Variants in IQSEC3 observed in about 807,000 individuals in gnomAD.
IQSEC3 encodes the protein IQ motif and Sec7 domain ArfGEF 3.
Under a neutral mutation model 105.4 loss-of-function variants are expected in IQSEC3, and 50 were observed. That is an observed-to-expected ratio of 0.47 (90% CI 0.38 to 0.60). IQSEC3 has a LOEUF of 0.60. Among genes scored for constraint, IQSEC3 ranks in the 20% least tolerant of loss-of-function variants. IQSEC3 has a pLI of 0.00. For synonymous variants in IQSEC3, 708 were observed against 746.0 expected, an observed-to-expected ratio of 0.95 and a Z score of 0.83; for missense variants, 1,415 against 1,630.0, an observed-to-expected ratio of 0.87 and a Z score of 2.27.
At chr12:109,716 G>C (rs1555079076) in intron 2 of IQSEC3, among the ~76,000 whole-genome samples, 1 of 151,900 alleles carries the variant, frequency 6.6e-6, no homozygotes, top group Non-Finnish European at 1.5e-5. Flanking sequence ...CCTTCCCCCA[G>C]CCCTGCCAAC....
chr12:125,944 G>A (rs782293296), intron 3 of IQSEC3, 32 bp downstream of exon 3: 4 of 1,520,880 alleles, frequency 2.6e-6, no homozygotes, highest in African/African-American at 2.9e-5. Flanking sequence ...GGCGGGGAGG[G>A]TGGTGAAGGG....
In IQSEC3 at chr12:76,131, CAA is replaced by C. The variant is rs1238312743; in HGVS notation, c.554+8696_554+8697del. 6.9e-5 allele frequency among the ~76,000 whole-genome samples: 10 copies of C among 144,146 alleles called. No individual in the cohort carries two copies. The East Asian group carries it at 1.2e-3, about 17-fold the overall frequency. The allele number at this position is 144,146 out of a possible 152,430, so 94.6% of individuals were successfully genotyped here. A position where few individuals can be genotyped will look rare whatever the true frequency, so the allele number is the denominator to read the frequency against. ...ACACACACACACACACACACACACA[CAA>C]GGCCTCAGCAGGTGGAGTGAGAAAC... On this transcript the variant is annotated intron_variant, in intron 1 of 13. Coordinates refer to ENST00000538872, the MANE Select transcript of IQSEC3 (RefSeq NM_001170738.2).
intron 4 of IQSEC3, among the ~76,000 whole-genome samples, chr12:140,063 G>A (rs915871713): frequency 1.3e-5 from 2 of 152,026 alleles, no homozygotes; most frequent in Admixed American, 6.6e-5. Flanking sequence ...TCCTCCACTC[G>A]CCCCTTCATA....
intron 9 of IQSEC3, 133 bp downstream of exon 9, chr12:163,752 C>T (rs1357551593): frequency 2.8e-5 from 20 of 721,204 alleles, no homozygotes; most frequent in East Asian, 5.3e-5. Flanking sequence ...TTCCGTGGGA[C>T]GGATCTGCCT....
intron 1 of IQSEC3, among the ~76,000 whole-genome samples, chr12:92,841 TG>T (rs1864131810): frequency 6.6e-6 from 1 of 152,220 alleles, no homozygotes; most frequent in Non-Finnish European, 1.5e-5. Flanking sequence ...TGAGAACAGC[TG>T]GTTCTTGCTG....
At chr12:137,475 C>T (rs1470055928) in intron 3 of IQSEC3, 3 of 152,118 alleles carry the variant, frequency 2.0e-5, no homozygotes, top group African/African-American at 7.2e-5. Flanking sequence ...TCCCCCGTAG[C>T]TATCATCCAG....
intron 5 of IQSEC3, among the ~76,000 whole-genome samples, chr12:150,598 A>AT: frequency 6.6e-6 from 1 of 152,334 alleles, no homozygotes; most frequent in East Asian, 1.9e-4. Flanking sequence ...GAAGGGAGCA[A>AT]TTAACCATGT....
intron 8 of IQSEC3, 112 bp downstream of exon 8, chr12:162,177 AT>A (rs1417969724): frequency 4.1e-6 from 5 of 1,212,676 alleles, no homozygotes; most frequent in Non-Finnish European, 4.6e-6. Context: ...ATTCATTCAC[AT>A]GATAGTTATG....
chr12:148,655 T>G (rs1242445932), intron 5 of IQSEC3: 1 of 152,234 alleles, frequency 6.6e-6, no homozygotes, highest in African/African-American at 2.4e-5. Context: ...TGTTATGAAT[T>G]CTGACGAATA....
At chr12:127,179 G>A (rs1865443816) in intron 3 of IQSEC3, among the ~76,000 whole-genome samples, 1 of 152,214 alleles carries the variant, frequency 6.6e-6, no homozygotes. Context: ...ACATAAAGCT[G>A]AAAGAGAACA....
chr12:104,758 G>C (rs907534439), intron 2 of IQSEC3, among the ~76,000 whole-genome samples: 1 of 152,240 alleles, frequency 6.6e-6, no homozygotes, highest in Admixed American at 6.5e-5. Flanking sequence ...GACGGGGCGC[G>C]CTTCCGAGAA....
intron 12 of IQSEC3, 24 bp from the exon 13 acceptor site, chr12:171,088 G>C (rs1565453759): frequency 6.2e-7 from 1 of 1,613,072 alleles, no homozygotes; most frequent in Non-Finnish European, 8.5e-7. Context: ...TGGAGAATGA[G>C]CCCTGTGCTC....
chr12:140,935 C>T, intron 4 of IQSEC3, 189 bp from the exon 5 acceptor site: 1 of 555,486 alleles, frequency 1.8e-6, no homozygotes, highest in East Asian at 2.9e-5. Flanking sequence ...CTCCCCTGTC[C>T]TCCTTCTGGT....
chr12:73,049 T>TATAAATAA (rs58047522), intron 1 of IQSEC3, among the ~76,000 whole-genome samples: 197 of 135,684 alleles, frequency 1.5e-3, no homozygotes, highest in Non-Finnish European at 1.7e-3. Context: ...CTGCCTAAAA[T>TATAAATAA]ATAAATAAAT....
At chr12:132,316 A>G (rs1865629339) in intron 3 of IQSEC3, among the ~76,000 whole-genome samples, 1 of 152,018 alleles carries the variant, frequency 6.6e-6, no homozygotes, top group Non-Finnish European at 1.5e-5. Flanking sequence ...AGCAATGTGG[A>G]CTTTGTGGAG....
chr12:78,930 G>A (rs1224461827), intron 1 of IQSEC3, among the ~76,000 whole-genome samples: 2 of 152,020 alleles, frequency 1.3e-5, no homozygotes, highest in East Asian at 1.9e-4. Flanking sequence ...CCCTGACCCC[G>A]GCATCTTCTA....
rs1865875153 is a variant in IQSEC3, at chr12:138,678, G to A, written c.1315G>A (p.Ala439Thr). The change falls in exon 4 of 14, where the codon GCC becomes ACC. Residue 439 changes from alanine to threonine, a missense_variant. Physicochemically the swap from Ala to Thr is moderately conservative, Grantham distance 58. This residue lies in a region of IQSEC3 where 720 missense variants were observed against 633.0 expected (regional missense o/e 1.14). Coordinates refer to ENST00000538872, the MANE Select transcript of IQSEC3 (RefSeq NM_001170738.2). This position sits in a 1 kb window ranked among gnomAD's most constrained non-coding sequence, Gnocchi z 7.1. ...RESGAYQLHQ[A>T]LQAAAGPPGL... ...GAGTGGCGCTTACCAGCTCCACCAG[G>A]CCCTGCAGGCGGCCGCGGGGCCCCC... 3 of 1,548,704 alleles carry A rather than the reference G, an allele frequency of 1.9e-6. No homozygotes were observed. In the East Asian group the frequency reaches 7.3e-5, roughly 37 times the overall value.
At chr12:173,893 G>A (rs973057454) in intron 13 of IQSEC3, among the ~76,000 whole-genome samples, 3 of 152,184 alleles carry the variant, frequency 2.0e-5, no homozygotes, top group South Asian at 2.1e-4. Context: ...CTCCTGCCCC[G>A]CCTTGGGGAT....
chr12:123,642 G>C (rs1865289215), intron 2 of IQSEC3, among the ~76,000 whole-genome samples: 1 of 152,096 alleles, frequency 6.6e-6, no homozygotes, highest in South Asian at 2.1e-4. Context: ...ATTGAGAGAA[G>C]GGAGATTCTC....
Sources: allele counts gnomAD v4.1 joint callset (sites outside exome capture counted in the v4.1 genomes callset), GRCh38; gene constraint gnomAD v4.1.1; regional missense constraint gnomAD v4.1.1; non-coding constraint Gnocchi (gnomAD v3.1); transcripts MANE v1.5; gene names NCBI Gene and HGNC (gene_info 2026-07-23, HGNC 2026-07-21).